The following TCF12 variants were observed in gnomAD, a reference collection of about 807,000 sequenced individuals.
The protein encoded by TCF12 is DNA-binding protein HTF4.
TCF12 carries 45 observed loss-of-function variants against 86.0 expected under a neutral mutation model. The ratio of observed to expected loss-of-function variants is 0.52; its 90% CI spans 0.41 to 0.67. The LOEUF (loss-of-function observed/expected upper bound fraction) is 0.67. Among genes scored for constraint, TCF12 ranks in the 30% least tolerant of loss-of-function variants. TCF12 has a pLI of 0.00. For synonymous variants in TCF12, 330 were observed against 299.6 expected (o/e 1.10, Z -1.05); for missense variants, 881 against 859.9 (o/e 1.02, Z -0.31).
intron 8 of TCF12, chr15:57,219,668 A>T (rs1263893549): frequency 7.3e-7 from 1 of 1,378,970 alleles, no homozygotes; most frequent in Admixed American, 1.9e-5. Flanking sequence ...TTTTACTAAA[A>T]TCTGTGAGGT....
rs3794617 is a variant in TCF12, at chr15:57,166,586, C to T, written c.390+120C>T. The T allele has an allele frequency of 0.22, 188,189 of 849,692 alleles. 22,722 individuals are homozygous for T. Among genetic ancestry groups the T allele is most frequent in the Non-Finnish European group, 0.25 (142,119 of 579,486 alleles). The allele number at this position is 849,692 out of a possible 1,614,324, so 52.6% of individuals were successfully genotyped here. On this transcript the variant is annotated intron_variant, in intron 6 of 20. Coordinates refer to ENST00000333725, the MANE Select transcript of TCF12 (RefSeq NM_207037.2). ...TCACTACTGTTTGTTTAATTTGTAA[C>T]TAAGTGTTGTTTTTTGCTCTCTTTG...
intron 5 of TCF12, among the ~76,000 whole-genome samples, chr15:57,098,155 A>C (rs562935962): frequency 1.3e-5 from 2 of 152,090 alleles, no homozygotes; most frequent in African/African-American, 4.8e-5. Flanking sequence ...ACTGCACTCC[A>C]GCCTGGATGA....
chr15:57,281,101 A>C (rs112332796), intron 19 of TCF12, among the ~76,000 whole-genome samples: 1 of 98,230 alleles, frequency 1.0e-5, no homozygotes, highest in East Asian at 3.1e-4. Context: ...GTAGCACCCT[A>C]TTCTTTTTTT....
intron 19 of TCF12, among the ~76,000 whole-genome samples, chr15:57,276,059 A>C (rs1431086401): frequency 3.9e-5 from 6 of 152,212 alleles, no homozygotes; most frequent in Non-Finnish European, 8.8e-5. Flanking sequence ...TCTCAGCGTT[A>C]CTCAAGACTC....
intron 4 of TCF12, among the ~76,000 whole-genome samples, chr15:57,085,253 G>C (rs1461137523): frequency 1.3e-5 from 2 of 152,152 alleles, no homozygotes; most frequent in East Asian, 1.9e-4. Flanking sequence ...AAAAGTTCTT[G>C]CCCTGTAGAA....
At position 57,278,911 on chromosome 15, in the gene TCF12, T is replaced by C. The variant is rs2061548729; in HGVS notation, c.1979-3534T>C. 1.3e-5 allele frequency among the ~76,000 whole-genome samples: 2 copies of C among 150,094 alleles called. 1 individual carries two copies. The highest frequency in any genetic ancestry group is 4.3e-4 in the South Asian group (2 of 4,690). On this transcript the variant is annotated intron_variant, in intron 19 of 20. Transcript: ENST00000333725. ...TTCTTTATTTCTGTCTTTGTTTCTTTTTTGTTCTTTCCTCCTGTCTTCCTT... is the reference window on the plus strand; with the variant it reads ...TTCTTTATTTCTGTCTTTGTTTCTTCTTTGTTCTTTCCTCCTGTCTTCCTT...
intron 16 of TCF12, among the ~76,000 whole-genome samples, chr15:57,257,280 T>A (rs775568146): frequency 7.2e-5 from 11 of 152,156 alleles, no homozygotes; most frequent in Non-Finnish European, 1.5e-5. Context: ...TAATGAGTAG[T>A]TTGAGAGTTT....
At chr15:57,115,572 G>A (rs1214104103) in intron 5 of TCF12, among the ~76,000 whole-genome samples, 1 of 152,176 alleles carries the variant, frequency 6.6e-6, no homozygotes, top group African/African-American at 2.4e-5. Context: ...AGATTTTTAG[G>A]AAAGGTCATA....
intron 12 of TCF12, among the ~76,000 whole-genome samples, chr15:57,234,693 T>A (rs2059309614): frequency 6.6e-6 from 1 of 152,240 alleles, no homozygotes; most frequent in Non-Finnish European, 1.5e-5. Context: ...GTGATTATAT[T>A]TTAATATCTG....
chr15:56,919,831 T>G (rs1357424569), intron 1 of TCF12, 61 bp from the exon 2 acceptor site: 3 of 1,471,230 alleles, frequency 2.0e-6, no homozygotes, highest in African/African-American at 1.4e-5. Context: ...TACCTCTCTC[T>G]GTTCCCTCAC....
At position 56,920,079 on chromosome 15, in the gene TCF12, C is replaced by T. The variant is rs555454995; in HGVS notation, c.75+91C>T. ...CTTTTAAATAAAGGGTGAGGGGAAG[C>T]AACGTGGAGACTAGGCAGCGTGAAC... is the stretch of plus-strand genomic sequence containing the variant. On this transcript the variant is annotated intron_variant, in intron 2 of 20. Transcript: ENST00000333725. 19 of 1,407,658 alleles carry T rather than the reference C, an allele frequency of 1.3e-5. No individual in the cohort carries two copies. In the South Asian group the frequency reaches 1.8e-4, roughly 13 times the overall value. The allele number at this position is 1,407,658 out of a possible 1,614,324, so 87.2% of individuals were successfully genotyped here. A position where few individuals can be genotyped will look rare whatever the true frequency, so the allele number is the denominator to read the frequency against.
In TCF12 at chr15:57,287,607, A is replaced by G. The variant is rs976626552; in HGVS notation, c.*1462A>G. On this transcript the variant is annotated 3_prime_UTR_variant, in exon 21 of 21. Coordinates refer to ENST00000333725, the MANE Select transcript of TCF12 (RefSeq NM_207037.2). The stretch of plus-strand genomic sequence containing the variant: ...CAACCCTGGGAGAGAAAAACATGCT[A>G]AAGGAGGTATCTTGGCTTAATAATT... 1 of 152,666 alleles carries G rather than the reference A, an allele frequency of 6.6e-6. No individual in the cohort carries two copies. The highest frequency in any genetic ancestry group is 1.5e-5 in the Non-Finnish European group (1 of 68,036). The allele number at this position is 152,666 out of a possible 1,614,324, so 9.5% of individuals were successfully genotyped here. A position where few individuals can be genotyped will look rare whatever the true frequency, so the allele number is the denominator to read the frequency against.
intron 4 of TCF12, among the ~76,000 whole-genome samples, chr15:57,091,126 A>G (rs762385720): frequency 1.1e-4 from 16 of 152,182 alleles, no homozygotes; most frequent in Non-Finnish European, 1.9e-4. Flanking sequence ...GCTATGTTTA[A>G]TAATTGTTTT....
chr15:56,938,822 A>T (rs1172933078), intron 3 of TCF12, among the ~76,000 whole-genome samples: 3 of 152,122 alleles, frequency 2.0e-5, no homozygotes, highest in Admixed American at 6.5e-5. Context: ...TTTTGAGAGG[A>T]TGCAAACATT....
intron 19 of TCF12, among the ~76,000 whole-genome samples, chr15:57,276,433 A>T (rs923957071): frequency 9.8e-5 from 15 of 152,356 alleles, no homozygotes; most frequent in African/African-American, 7.2e-5. Flanking sequence ...AGAGGAGACC[A>T]TAGCAGATGA....
At chr15:56,960,969 G>C (rs1331050922) in intron 3 of TCF12, among the ~76,000 whole-genome samples, 1 of 151,714 alleles carries the variant, frequency 6.6e-6, no homozygotes, top group African/African-American at 2.4e-5. Flanking sequence ...GTGAAACCCT[G>C]TCTCTACTAC....
intron 19 of TCF12, among the ~76,000 whole-genome samples, chr15:57,281,374 T>C (rs970238022): frequency 6.6e-6 from 1 of 152,230 alleles, no homozygotes; most frequent in Non-Finnish European, 1.5e-5. Context: ...TTCACATACA[T>C]ATCAAAGTAG....
chr15:57,109,954 A>G (rs2151222441), intron 5 of TCF12, among the ~76,000 whole-genome samples: 1 of 152,304 alleles, frequency 6.6e-6, no homozygotes, highest in South Asian at 2.1e-4. Context: ...GATAGATGAA[A>G]TATTTTAATT....
chr15:56,999,506 C>G (rs1247191905), intron 3 of TCF12, among the ~76,000 whole-genome samples: 1 of 152,092 alleles, frequency 6.6e-6, no homozygotes, highest in African/African-American at 2.4e-5. Flanking sequence ...GTGAAATAGA[C>G]TAATTCCTTG....
Sources: allele counts gnomAD v4.1 joint callset (sites outside exome capture counted in the v4.1 genomes callset), GRCh38; gene constraint gnomAD v4.1.1; transcripts MANE v1.5; gene names NCBI Gene and HGNC (gene_info 2026-07-23, HGNC 2026-07-21).